MAD1L1: variants seen among roughly 807,000 people sequenced by gnomAD.
The protein encoded by MAD1L1 is mitotic spindle assembly checkpoint protein MAD1.
A neutral mutation model predicts 96.9 loss-of-function variants in MAD1L1; 95 were observed. The ratio of observed to expected loss-of-function variants is 0.98; its 90% CI spans 0.83 to 1.16. MAD1L1 has a LOEUF of 1.16. Among genes scored for constraint, MAD1L1 ranks in the 50% most tolerant of loss-of-function variants. The probability of loss-of-function intolerance (pLI) is 0.00; values close to 1 mark genes in which losing one functional copy is unlikely to be tolerated. For missense variants in MAD1L1, 1,007 were observed against 954.4 expected (o/e 1.06, Z -0.73); for synonymous variants, 473 against 396.6 (o/e 1.19, Z -2.29).
intron 17 of MAD1L1, among the ~76,000 whole-genome samples, chr7:1,922,215 T>C (rs557431030): frequency 1.4e-4 from 21 of 152,334 alleles, no homozygotes; most frequent in Non-Finnish European, 2.2e-4. Flanking sequence ...GCGAGAGACA[T>C]GCAGCTGGAC....
chr7:2,226,128 G>C (rs1387432182), intron 3 of MAD1L1, among the ~76,000 whole-genome samples: 1 of 152,198 alleles, frequency 6.6e-6, no homozygotes, highest in Non-Finnish European at 1.5e-5. Flanking sequence ...TCTGGACTCA[G>C]ACTTAAAGGG....
intron 14 of MAD1L1, among the ~76,000 whole-genome samples, chr7:1,987,249 G>A (rs918911125): frequency 6.6e-5 from 10 of 152,224 alleles, no homozygotes; most frequent in Non-Finnish European, 1.0e-4. Flanking sequence ...CCCACTGGAT[G>A]GGACGTTCCC....
In MAD1L1 at chr7:2,114,722, G is replaced by A. The variant is rs755169985; in HGVS notation, c.1073+34430C>T. Reference sequence around the variant, plus strand: ...AGCACAGCCACCCAGAATCAAATACGAATCGCCGCTGCCGCTCTCACAGCA... The same window carrying A: ...AGCACAGCCACCCAGAATCAAATACAAATCGCCGCTGCCGCTCTCACAGCA... On this transcript the variant is annotated intron_variant, in intron 11 of 18. Coordinates refer to ENST00000265854, the MANE Select transcript of MAD1L1 (RefSeq NM_001013836.2). This position sits in a 1 kb window ranked among gnomAD's most constrained non-coding sequence, Gnocchi z 4.2. Among the ~76,000 whole-genome samples, 2 of 152,248 alleles carry A rather than the reference G, an allele frequency of 1.3e-5. No homozygotes were observed. Among genetic ancestry groups the A allele is most frequent in the African/African-American group, 4.8e-5 (2 of 41,526 alleles).
chr7:1,945,397 T>TG (rs1418559456), intron 16 of MAD1L1, among the ~76,000 whole-genome samples: 1 of 152,256 alleles, frequency 6.6e-6, no homozygotes, highest in East Asian at 1.9e-4. Context: ...GATGTGCTCC[T>TG]GGGGCTTAAA....
intron 12 of MAD1L1, among the ~76,000 whole-genome samples, chr7:2,039,810 C>T (rs1783598330): frequency 6.6e-6 from 1 of 152,054 alleles, no homozygotes. Context: ...TTTATCTCTA[C>T]CTTGTCTTTT....
At chr7:1,953,475 A>G (rs972878777) in intron 16 of MAD1L1, among the ~76,000 whole-genome samples, 4 of 152,212 alleles carry the variant, frequency 2.6e-5, no homozygotes, top group African/African-American at 9.7e-5. Flanking sequence ...AACCTGCCCA[A>G]ACAAGCACCA....
At position 1,983,297 on chromosome 7, in the gene MAD1L1, G is replaced by A. The variant is rs563777102; in HGVS notation, c.1417-2756C>T. On this transcript the variant is annotated intron_variant, in intron 14 of 18. Transcript: ENST00000265854. ...TTTACACAGTGCTCAAAGTATCTGC[G>A]CTTTGAAGATCTGGTAGAATTTTCC... Among the ~76,000 whole-genome samples the A allele has an allele frequency of 1.2e-4, 19 of 152,292 alleles. No homozygotes were observed. The South Asian group carries it at 3.9e-3, about 32-fold the overall frequency.
At chr7:2,017,669 C>T (rs966886463) in intron 12 of MAD1L1, among the ~76,000 whole-genome samples, 2 of 152,164 alleles carry the variant, frequency 1.3e-5, no homozygotes, top group African/African-American at 2.4e-5. Flanking sequence ...AGGACCCTTG[C>T]GAAAGAGCAA....
chr7:2,052,002 G>A (rs572513469), intron 12 of MAD1L1, among the ~76,000 whole-genome samples: 97 of 152,232 alleles, frequency 6.4e-4, no homozygotes, highest in African/African-American at 1.9e-3. Context: ...TTACAGGGGC[G>A]TCAGGCAGGG....
intron 11 of MAD1L1, among the ~76,000 whole-genome samples, chr7:2,086,707 A>G (rs947550626): frequency 6.6e-6 from 1 of 152,138 alleles, no homozygotes; most frequent in African/African-American, 2.4e-5. Flanking sequence ...GCCTGCCACC[A>G]CACCCAGCTA....
At chr7:1,832,021 ATTAT>A (rs1782727125) in intron 18 of MAD1L1, among the ~76,000 whole-genome samples, 1 of 152,216 alleles carries the variant, frequency 6.6e-6, no homozygotes, top group African/African-American at 2.4e-5. Context: ...TTCAAGTGTT[ATTAT>A]TTAAGAAATA....
intron 18 of MAD1L1, chr7:1,848,636 G>A (rs1456985493): frequency 1.9e-5 from 3 of 154,350 alleles, no homozygotes; most frequent in Middle Eastern, 5.4e-4. Flanking sequence ...AGCGATTTGC[G>A]CTCCTGGTTC....
At chr7:2,138,571 G>A (rs2128572786) in intron 11 of MAD1L1, among the ~76,000 whole-genome samples, 1 of 152,344 alleles carries the variant, frequency 6.6e-6, no homozygotes, top group Admixed American at 6.5e-5. Flanking sequence ...GTTAGGAGAA[G>A]TCAGCCGGAG....
At chr7:2,005,892 G>A (rs1013447652) in intron 13 of MAD1L1, among the ~76,000 whole-genome samples, 10 of 152,186 alleles carry the variant, frequency 6.6e-5, no homozygotes, top group African/African-American at 2.4e-4. Flanking sequence ...ATGGGACACT[G>A]CACAACCCTG....
intron 18 of MAD1L1, among the ~76,000 whole-genome samples, chr7:1,892,099 A>G (rs1786580100): frequency 6.6e-6 from 1 of 152,026 alleles, no homozygotes; most frequent in African/African-American, 2.4e-5. Flanking sequence ...TTCATACATC[A>G]TGTTTATGGC....
chr7:2,022,992 C>T (rs151069872), intron 12 of MAD1L1, among the ~76,000 whole-genome samples: 18 of 152,272 alleles, frequency 1.2e-4, no homozygotes, highest in Admixed American at 4.6e-4. Context: ...AAGACATGAC[C>T]GCCCTTAACA....
chr7:1,924,094 G>A (rs1035227914), intron 17 of MAD1L1, among the ~76,000 whole-genome samples: 2 of 152,218 alleles, frequency 1.3e-5, no homozygotes, highest in African/African-American at 4.8e-5. Flanking sequence ...GGGAAAACAC[G>A]ACCAACAGGC....
intron 11 of MAD1L1, among the ~76,000 whole-genome samples, chr7:2,104,899 C>T (rs1434781556): frequency 1.3e-5 from 2 of 152,180 alleles, no homozygotes; most frequent in Non-Finnish European, 2.9e-5. Flanking sequence ...GGGTAGGTCC[C>T]CCCGCAAGCC....
chr7:2,046,387 C>G (rs1783920956), intron 12 of MAD1L1, among the ~76,000 whole-genome samples: 1 of 152,192 alleles, frequency 6.6e-6, no homozygotes, highest in Non-Finnish European at 1.5e-5. Context: ...TTGTCCTCCT[C>G]CTCCCAGGCC....
Sources: gnomAD v4.1 joint callset for allele counts (sites outside exome capture counted in the v4.1 genomes callset) on GRCh38, gnomAD v4.1.1 for gene constraint, Gnocchi (gnomAD v3.1) non-coding constraint, MANE v1.5 for transcripts, NCBI Gene and HGNC (gene_info 2026-07-23, HGNC 2026-07-21) for gene names.